Variants in DYNC2I1 observed in about 807,000 individuals in gnomAD.
DYNC2I1 encodes dynein 2 intermediate chain 1, also known as cytoplasmic dynein 2 intermediate chain 1.
Under a neutral mutation model 133.4 loss-of-function variants are expected in DYNC2I1, and 89 were observed. That is an observed-to-expected ratio of 0.67 (90% CI 0.56 to 0.80). The LOEUF (loss-of-function observed/expected upper bound fraction) is 0.80. Ranked by LOEUF, DYNC2I1 falls within the 30% of genes least tolerant of loss-of-function variation. The pLI is 0.00. For synonymous variants in DYNC2I1, 504 were observed against 484.3 expected, an observed-to-expected ratio of 1.04 and a Z score of -0.54; for missense variants, 1,291 against 1,314.5, an observed-to-expected ratio of 0.98 and a Z score of 0.28.
At chr7:158,860,572 ATAT>A (rs1186174267) in intron 1 of DYNC2I1, among the ~76,000 whole-genome samples, 1 of 152,144 alleles carries the variant, frequency 6.6e-6, no homozygotes, top group Non-Finnish European at 1.5e-5. Flanking sequence ...ATTTTCTTTA[ATAT>A]TAGCTCTTTC....
At chr7:158,916,534 A>G (rs1423720168) in intron 14 of DYNC2I1, among the ~76,000 whole-genome samples, 3 of 56,930 alleles carry the variant, frequency 5.3e-5, no homozygotes, top group South Asian at 5.7e-4. Flanking sequence ...GCTGGTTGAC[A>G]TTAAGGATGA....
chr7:158,897,664 A>G (rs1466898104), intron 8 of DYNC2I1, among the ~76,000 whole-genome samples: 7 of 152,046 alleles, frequency 4.6e-5, no homozygotes, highest in Non-Finnish European at 1.0e-4. Flanking sequence ...CTAGAAGTGT[A>G]CTGATTTATT....
chr7:158,863,538 C>T (rs1842064707), intron 1 of DYNC2I1, among the ~76,000 whole-genome samples: 1 of 150,770 alleles, frequency 6.6e-6, no homozygotes, highest in Non-Finnish European at 1.5e-5. Flanking sequence ...GCTTACTTAG[C>T]TCTGGGTGTG....
chr7:158,856,634 G>T lies in DYNC2I1; in HGVS notation c.-102G>T. 7.7e-6 allele frequency: 9 copies of T among 1,170,786 alleles called. No individual in the cohort carries two copies. Among genetic ancestry groups the T allele is most frequent in the Non-Finnish European group, 9.7e-6 (9 of 932,308 alleles). The allele number at this position is 1,170,786 out of a possible 1,614,324, so 72.5% of individuals were successfully genotyped here. A position where few individuals can be genotyped will look rare whatever the true frequency, so the allele number is the denominator to read the frequency against. The stretch of plus-strand genomic sequence containing the variant: ...CTGCTTGTCGGTTGCTAGGCGCTGG[G>T]ACGCGCCTCCCGAAGGGTGCGGGGC... On this transcript the variant is annotated 5_prime_UTR_variant, in exon 1 of 25. Coordinates refer to ENST00000407559, the MANE Select transcript of DYNC2I1 (RefSeq NM_018051.5).
intron 11 of DYNC2I1, among the ~76,000 whole-genome samples, chr7:158,911,215 T>A (rs1178679249): frequency 1.3e-5 from 2 of 152,202 alleles, no homozygotes; most frequent in East Asian, 1.9e-4. Context: ...AATGAATTAG[T>A]CCTTAGGAAC....
At chr7:158,845,683 T>C in the DYNC2I1 span, among the ~76,000 whole-genome samples, 1 of 152,182 alleles carries the variant, frequency 6.6e-6, no homozygotes, top group African/African-American at 2.4e-5. Flanking sequence ...TCATAGACTA[T>C]AAAGATGGTT....
Position 158,934,578 on chromosome 7 carries a change from A to G in DYNC2I1, c.2778+29A>G, listed in dbSNP as rs112450251. 2,885 of 1,548,362 alleles carry G rather than the reference A, an allele frequency of 1.9e-3. 54 individuals are homozygous for G. In the African/African-American group the frequency reaches 0.035, roughly 19 times the overall value. On this transcript the variant is annotated intron_variant, in intron 23 of 24. Coordinates refer to ENST00000407559, the MANE Select transcript of DYNC2I1 (RefSeq NM_018051.5). ...AGAAAGTTTGTTTTTCAGAGCTCCA[A>G]TTCTTCTTTTTTTGTTTTTTGAGAC...
intron 24 of DYNC2I1, among the ~76,000 whole-genome samples, chr7:158,943,343 G>A (rs890916800): frequency 7.9e-5 from 12 of 152,276 alleles, no homozygotes; most frequent in African/African-American, 1.9e-4. Flanking sequence ...TGTGCCTGGC[G>A]GCCGGGGCTC....
At chr7:158,901,146 C>A (rs1846214132) in intron 8 of DYNC2I1, among the ~76,000 whole-genome samples, 1 of 152,172 alleles carries the variant, frequency 6.6e-6, no homozygotes, top group African/African-American at 2.4e-5. Flanking sequence ...TCTTGGCTCA[C>A]TGCAACGTCT....
At chr7:158,921,670 A>T (rs1849109163) in intron 15 of DYNC2I1, among the ~76,000 whole-genome samples, 1 of 152,058 alleles carries the variant, frequency 6.6e-6, no homozygotes, top group African/African-American at 2.4e-5. Context: ...GGGTAGCAGG[A>T]TGTGAACTGA....
chr7:158,865,811 T>C (rs777124991), intron 1 of DYNC2I1, among the ~76,000 whole-genome samples: 1 of 152,130 alleles, frequency 6.6e-6, no homozygotes, highest in Non-Finnish European at 1.5e-5. Flanking sequence ...GGCAGAAGCA[T>C]GTGGTTTACA....
At chr7:158,927,809 C>G (rs1849774842) in intron 20 of DYNC2I1, among the ~76,000 whole-genome samples, 1 of 152,160 alleles carries the variant, frequency 6.6e-6, no homozygotes, top group Non-Finnish European at 1.5e-5. Context: ...ACCTCAGCCT[C>G]CCATAGTGCT....
chr7:158,930,573 T>C (rs1030073101), intron 21 of DYNC2I1, 58 bp downstream of exon 21: 13 of 1,439,966 alleles, frequency 9.0e-6, no homozygotes, highest in East Asian at 4.6e-5. Flanking sequence ...GAAAATAACA[T>C]TGGGGAATTG....
intron 11 of DYNC2I1, among the ~76,000 whole-genome samples, chr7:158,907,483 T>C (rs1846954349): frequency 6.6e-6 from 1 of 152,160 alleles, no homozygotes; most frequent in Admixed American, 6.5e-5. Flanking sequence ...TGGGGGATCT[T>C]GGAATGTGTC....
Position 158,869,927 on chromosome 7 carries a change from T to C in DYNC2I1, c.69+19T>C, listed in dbSNP as rs770355410. The C allele has an allele frequency of 6.2e-7, 1 of 1,611,020 alleles. No homozygotes were observed. Among genetic ancestry groups the C allele is most frequent in the South Asian group, 1.1e-5 (1 of 90,954 alleles). The stretch of plus-strand genomic sequence containing the variant: ...TCTCTGGGTAATTATTGTAAAGATT[T>C]GGATTGGGATCTGTGCAGGACTCGT... On this transcript the variant is annotated intron_variant, in intron 2 of 24. Transcript: ENST00000407559.
chr7:158,905,209 C>T (rs536386446), intron 10 of DYNC2I1: 5 of 374,358 alleles, frequency 1.3e-5, no homozygotes, highest in Admixed American at 7.2e-5. Context: ...GGCATGATCT[C>T]GGCTCACTGC....
At chr7:158,882,479 A>C (rs943636521) in intron 5 of DYNC2I1, among the ~76,000 whole-genome samples, 2 of 152,148 alleles carry the variant, frequency 1.3e-5, no homozygotes, top group African/African-American at 4.8e-5. Flanking sequence ...GCTACTACAG[A>C]AGCTGAGGTG....
intron 17 of DYNC2I1, among the ~76,000 whole-genome samples, chr7:158,925,832 G>T (rs1365727752): frequency 6.6e-6 from 1 of 152,170 alleles, no homozygotes; most frequent in African/African-American, 2.4e-5. Flanking sequence ...CCCCTCAGTT[G>T]TTTGAGTGGC....
the DYNC2I1 span, among the ~76,000 whole-genome samples, chr7:158,845,805 CTT>C: frequency 8.5e-5 from 13 of 152,228 alleles, no homozygotes; most frequent in South Asian, 1.0e-3. Flanking sequence ...TGTAAACAAA[CTT>C]GTCATATAAT....
Sources: gnomAD v4.1 joint callset for allele counts (sites outside exome capture counted in the v4.1 genomes callset) on GRCh38, gnomAD v4.1.1 for gene constraint, MANE v1.5 for transcripts, NCBI Gene and HGNC (gene_info 2026-07-23, HGNC 2026-07-21) for gene names.